The following NTRK3 variants were observed in gnomAD, a reference collection of about 807,000 sequenced individuals.
NTRK3 encodes NT-3 growth factor receptor.
NTRK3 carries 24 observed loss-of-function variants against 91.7 expected under a neutral mutation model. The observed-to-expected ratio is 0.26, with a 90% CI of 0.19 to 0.37. The LOEUF (loss-of-function observed/expected upper bound fraction) is 0.37. Among genes scored for constraint, NTRK3 ranks in the 10% least tolerant of loss-of-function variants. The pLI is 1.00. For missense variants in NTRK3, 880 were observed against 1,068.9 expected (o/e 0.82, Z 2.46); for synonymous variants, 483 against 404.0 (o/e 1.20, Z -2.34).
chr15:87,954,907 A>C (rs2141146924), intron 14 of NTRK3, among the ~76,000 whole-genome samples: 1 of 152,326 alleles, frequency 6.6e-6, no homozygotes, highest in Non-Finnish European at 1.5e-5. Context: ...CTCATGCACA[A>C]GTAGCACAAT....
intron 15 of NTRK3, among the ~76,000 whole-genome samples, chr15:87,939,571 C>T (rs529886214): frequency 1.0e-3 from 158 of 152,282 alleles, no homozygotes; most frequent in African/African-American, 3.7e-3. Flanking sequence ...TACAGAGACC[C>T]AAAAGTTGAA....
At position 88,101,164 on chromosome 15, in the gene NTRK3, T is replaced by C. The variant is rs201246563; in HGVS notation, c.1396+25107A>G. 3.4e-3 allele frequency among the ~76,000 whole-genome samples: 522 copies of C among 151,994 alleles called. 20 individuals are homozygous for C. The East Asian group carries it at 0.088, about 25-fold the overall frequency. On this transcript the variant is annotated intron_variant, in intron 13 of 18. Transcript: ENST00000394480. ...GAATCTATAATGAACTCAAACAAAT[T>C]TACAAGAAAAAAACAAACAACCCCA... is the stretch of plus-strand genomic sequence containing the variant.
chr15:87,877,090 A>G, exon 19 of NTRK3: 1 of 1,614,120 alleles, frequency 6.2e-7, no homozygotes. Context: ...GGCCGCTCCA[A>G]AACACGACCT....
intron 17 of NTRK3, among the ~76,000 whole-genome samples, chr15:87,880,925 T>C (rs1259987575): frequency 6.6e-6 from 1 of 152,206 alleles, no homozygotes; most frequent in Non-Finnish European, 1.5e-5. Flanking sequence ...TAGGACTCAG[T>C]GTTTCAAGTG....
chr15:87,903,622 A>T (rs2066582629), intron 17 of NTRK3, among the ~76,000 whole-genome samples: 1 of 152,232 alleles, frequency 6.6e-6, no homozygotes. Flanking sequence ...TCTCTGGATA[A>T]ATCTCCAGTT....
chr15:88,149,933 C>T (rs941861500), intron 5 of NTRK3, among the ~76,000 whole-genome samples: 5 of 152,202 alleles, frequency 3.3e-5, no homozygotes, highest in African/African-American at 7.2e-5. Flanking sequence ...AACAGCATCA[C>T]GGCAGCAAAA....
intron 5 of NTRK3, among the ~76,000 whole-genome samples, chr15:88,180,382 G>C (rs1294526122): frequency 1.3e-5 from 2 of 152,174 alleles, no homozygotes; most frequent in African/African-American, 2.4e-5. Flanking sequence ...ACAAAAGGTA[G>C]AGAAAACTAA....
chr15:87,865,323 A>T (rs1426156917), exon 19 of NTRK3: 2 of 210,384 alleles, frequency 9.5e-6, no homozygotes, highest in Non-Finnish European at 1.9e-5. Context: ...GTGGCTTGTC[A>T]TCACAAACAC....
intron 13 of NTRK3, among the ~76,000 whole-genome samples, chr15:88,057,176 A>AAAAAAAAG (rs1216172314): frequency 6.7e-5 from 10 of 150,000 alleles, no homozygotes; most frequent in East Asian, 2.0e-4. Flanking sequence ...CTCAAAAAAA[A>AAAAAAAAG]AAAAAAAGAA....
intron 13 of NTRK3, among the ~76,000 whole-genome samples, chr15:88,059,447 C>T (rs1351385120): frequency 6.6e-6 from 1 of 152,150 alleles, no homozygotes; most frequent in Non-Finnish European, 1.5e-5. Context: ...TAGTTATAGG[C>T]ACACACCTGA....
At chr15:88,073,185 A>T (rs771599308) in intron 13 of NTRK3, among the ~76,000 whole-genome samples, 1 of 152,204 alleles carries the variant, frequency 6.6e-6, no homozygotes, top group Non-Finnish European at 1.5e-5. Flanking sequence ...AAAAATGCAC[A>T]TTCTTGGGTT....
intron 17 of NTRK3, among the ~76,000 whole-genome samples, chr15:87,886,676 C>CTATATATATA (rs35011403): frequency 0.26 from 26,036 of 100,610 alleles, 4,147 homozygotes; most frequent in East Asian, 0.45. Flanking sequence ...CCACTTTTTG[C>CTATATATATA]TATATATATA....
chr15:88,183,463 C>T (rs766899479), exon 5 of NTRK3: 3 of 1,614,008 alleles, frequency 1.9e-6, no homozygotes, highest in South Asian at 2.2e-5. Flanking sequence ...GGGCTGAATG[C>T]TCCGAAGTCC....
chr15:88,006,311 C>T (rs2076486379), intron 14 of NTRK3, among the ~76,000 whole-genome samples: 1 of 152,228 alleles, frequency 6.6e-6, no homozygotes. Context: ...GATGAAACTT[C>T]TGCAGCTATT....
intron 13 of NTRK3, among the ~76,000 whole-genome samples, chr15:88,118,213 G>A (rs541516273): frequency 3.3e-5 from 5 of 152,336 alleles, no homozygotes; most frequent in Non-Finnish European, 5.9e-5. Flanking sequence ...GCCCTCTGCA[G>A]AGTTCACAGG....
intron 10 of NTRK3, chr15:88,132,008 A>G (rs961193522): frequency 4.5e-5 from 9 of 202,130 alleles, no homozygotes; most frequent in African/African-American, 2.1e-4. Context: ...GTCCCAGACC[A>G]TAACTCTTCA....
At chr15:88,135,285 C>A (rs1347879205) in exon 10 of NTRK3, 1 of 1,614,234 alleles carries the variant, frequency 6.2e-7, no homozygotes, top group South Asian at 1.1e-5. Context: ...CCCGCAGAGG[C>A]TGCCCATTGT....
rs537698133 is a variant in NTRK3 at position 87,929,133 on chromosome 15, C to T, written c.2133+58G>A. 6.6e-5 allele frequency: 106 copies of T among 1,613,562 alleles called. No individual in the cohort carries two copies. The African/African-American group carries it at 1.3e-3, about 20-fold the overall frequency. On this transcript the variant is annotated intron_variant, in intron 17 of 18. Transcript: ENST00000394480. ...CAGGGTTAATGGACAATGAAAAAGA[C>T]ATGTAAGCAAGGCGCTAGCTCTGTG...
chr15:88,255,219 C>T lies in NTRK3; in HGVS notation c.248+687G>A, dbSNP rs1048954862. ...CAAACTGGGAAGGGATCTGTAGGCG[C>T]CCAGATGCAGATGAGGGTGGCAAAG... On this transcript the variant is annotated intron_variant, in intron 3 of 18. Transcript: ENST00000394480. The surrounding 1 kb of genome is among the most constrained non-coding windows in gnomAD (Gnocchi z 4.3). 5.9e-5 allele frequency among the ~76,000 whole-genome samples: 9 copies of T among 152,114 alleles called. No individual in the cohort carries two copies. Among genetic ancestry groups the T allele is most frequent in the African/African-American group, 9.7e-5 (4 of 41,422 alleles).
Sources: allele counts gnomAD v4.1 joint callset (sites outside exome capture counted in the v4.1 genomes callset), GRCh38; gene constraint gnomAD v4.1.1; non-coding constraint Gnocchi (gnomAD v3.1); transcripts MANE v1.5; gene names NCBI Gene and HGNC (gene_info 2026-07-23, HGNC 2026-07-21).